Variants in CCNB3 observed in about 807,000 individuals in gnomAD.
The protein encoded by CCNB3 is G2/mitotic-specific cyclin-B3.
In CCNB3, 12 loss-of-function variants were observed where a neutral mutation model predicts 68.0. The observed-to-expected ratio is 0.18, with a 90% CI of 0.11 to 0.29. The LOEUF is 0.29. Among genes scored for constraint, CCNB3 ranks in the 10% least tolerant of loss-of-function variants. CCNB3 has a pLI of 1.00. For synonymous variants in CCNB3, 354 were observed against 388.9 expected, an observed-to-expected ratio of 0.91 and a Z score of 1.06; for missense variants, 904 against 993.1, an observed-to-expected ratio of 0.91 and a Z score of 1.21.
Position 50,308,755 on chromosome X carries a change from CTG to C in CCNB3, c.587_588del (p.Leu196ProfsTer5). On this transcript the variant is annotated frameshift_variant, in exon 6 of 13. Coordinates refer to ENST00000376042, the MANE Select transcript of CCNB3 (RefSeq NM_033031.3). LOFTEE classifies it high-confidence loss of function. ...GTCCTTACTGGAAAAGCTACAGCCCCTGCAGGAGGAGAGTGACAGTGATGATG... is the reference window on the plus strand; with the variant it reads ...GTCCTTACTGGAAAAGCTACAGCCCCCAGGAGGAGAGTGACAGTGATGATG... Reference protein sequence around the residue: ...EVSLLEKLQPLQEESDSDDAF... With the variant: ...EVSLLEKLQPXQEESDSDDAF... 8.3e-7 allele frequency: 1 copy of C among 1,211,461 alleles called. No homozygotes were observed. Among genetic ancestry groups the C allele is most frequent in the Non-Finnish European group, 1.1e-6 (1 of 895,359 alleles).
At chrX:50,314,983 T>A (rs1250526051) in intron 8 of CCNB3, among the ~76,000 whole-genome samples, 1 of 111,908 alleles carries the variant, frequency 8.9e-6, no homozygotes, top group African/African-American at 3.2e-5. Context: ...CTCTGCCAGC[T>A]GGAATGATGA....
At chrX:50,299,329 T>C (rs1365868061) in intron 5 of CCNB3, among the ~76,000 whole-genome samples, 2 of 111,853 alleles carry the variant, frequency 1.8e-5, no homozygotes, top group Non-Finnish European at 3.8e-5. Flanking sequence ...TCTGGTATGT[T>C]GTGTCTTTGT....
intron 1 of CCNB3, among the ~76,000 whole-genome samples, chrX:50,227,545 TAGAG>T (rs1381690861): frequency 9.2e-5 from 8 of 87,381 alleles, no homozygotes; most frequent in East Asian, 3.2e-4. Context: ...TATAAATATA[TAGAG>T]AGAGATATAA....
intron 12 of CCNB3, 44 bp from the exon 13 acceptor site, chrX:50,351,563 A>G: frequency 8.9e-7 from 1 of 1,117,330 alleles, no homozygotes; most frequent in Non-Finnish European, 1.2e-6. Context: ...GCATGATTGT[A>G]TTTGCCCTAT....
At chrX:50,336,989 G>A (rs1162046833) in intron 8 of CCNB3, among the ~76,000 whole-genome samples, 1 of 111,543 alleles carries the variant, frequency 9.0e-6, no homozygotes, top group Admixed American at 9.5e-5. Context: ...AGGCTTTTCG[G>A]TGTAAGTTGG....
chrX:50,215,687 T>G (rs1266726606), intron 1 of CCNB3, among the ~76,000 whole-genome samples: 3 of 111,202 alleles, frequency 2.7e-5, no homozygotes, highest in African/African-American at 9.8e-5. Flanking sequence ...ATCTGATGGT[T>G]GGTACATACA....
chrX:50,333,527 A>C (rs1275577296), intron 8 of CCNB3, among the ~76,000 whole-genome samples: 1 of 111,407 alleles, frequency 9.0e-6, no homozygotes, highest in Non-Finnish European at 1.9e-5. Flanking sequence ...TGTGAGATGT[A>C]GAAGTACCGG....
At chrX:50,321,036 A>T (rs1569543145) in intron 8 of CCNB3, among the ~76,000 whole-genome samples, 1 of 111,435 alleles carries the variant, frequency 9.0e-6, no homozygotes, top group African/African-American at 3.3e-5. Flanking sequence ...TGTAGTGAAT[A>T]TACATAAATG....
At chrX:50,338,021 CA>C (rs782335759) in intron 8 of CCNB3, among the ~76,000 whole-genome samples, 1 of 112,043 alleles carries the variant, frequency 8.9e-6, no homozygotes, top group African/African-American at 3.2e-5. Flanking sequence ...CTCCAAGTAC[CA>C]GTTCCTTCCT....
At chrX:50,228,510 A>G (rs1490771512) in intron 1 of CCNB3, among the ~76,000 whole-genome samples, 3 of 90,834 alleles carry the variant, frequency 3.3e-5, no homozygotes, top group African/African-American at 1.2e-4. Context: ...TACATAGAAT[A>G]TGTATAGAGG....
At chrX:50,332,453 G>A (rs942847752) in intron 8 of CCNB3, among the ~76,000 whole-genome samples, 33 of 111,843 alleles carry the variant, frequency 3.0e-4, no homozygotes, top group African/African-American at 1.1e-3. Context: ...AGTCCTCAAT[G>A]TGGGGAAAAT....
chrX:50,290,370 T>C (rs183439713), intron 4 of CCNB3, among the ~76,000 whole-genome samples: 24 of 111,614 alleles, frequency 2.2e-4, no homozygotes, highest in Admixed American at 3.8e-4. Context: ...TGTGCCCTCA[T>C]GTGGTGGAAG....
At chrX:50,279,021 A>G (rs1266549602) in intron 1 of CCNB3, among the ~76,000 whole-genome samples, 2 of 56,750 alleles carry the variant, frequency 3.5e-5, no homozygotes, top group Non-Finnish European at 5.7e-5. Context: ...ATTTATATAT[A>G]GAATATATTT....
At position 50,351,774 on chromosome X, in the gene CCNB3, C is replaced by A; in HGVS notation, c.*71C>A. Reference sequence around the variant, plus strand: ...TCTATGTTCGAATTTGTCTTTTGATCGCTTTTATTCATTTTTCCTTTCTTT... The same window carrying A: ...TCTATGTTCGAATTTGTCTTTTGATAGCTTTTATTCATTTTTCCTTTCTTT... On this transcript the variant is annotated 3_prime_UTR_variant, in exon 13 of 13. Transcript: ENST00000376042. The A allele has an allele frequency of 1.3e-6, 1 of 746,474 alleles. No individual in the cohort carries two copies. The highest frequency in any genetic ancestry group is 2.1e-5 in the African/African-American group (1 of 47,537). 61.5% of individuals were successfully genotyped at this position (746,474 alleles called of 1,213,427 possible). A position where few individuals can be genotyped will look rare whatever the true frequency, so the allele number is the denominator to read the frequency against.
chrX:50,346,831 C>A, intron 10 of CCNB3, 24 bp downstream of exon 10: 4 of 1,194,246 alleles, frequency 3.3e-6, no homozygotes, highest in Non-Finnish European at 3.4e-6. Flanking sequence ...GACACATCTT[C>A]ATTCTCCCAC....
chrX:50,299,662 A>G (rs1557211950), intron 5 of CCNB3, among the ~76,000 whole-genome samples: 1 of 110,633 alleles, frequency 9.0e-6, no homozygotes, highest in Non-Finnish European at 1.9e-5. Context: ...CTTGGTGCAG[A>G]GCTGAGTTCA....
At chrX:50,305,574 G>A (rs782425272) in intron 5 of CCNB3, among the ~76,000 whole-genome samples, 2 of 109,594 alleles carry the variant, frequency 1.8e-5, no homozygotes, top group Admixed American at 2.0e-4. Flanking sequence ...GTTAATGGGT[G>A]CAGCACACCA....
chrX:50,211,981 ACACT>A (rs1213070161), intron 1 of CCNB3, among the ~76,000 whole-genome samples: 1 of 112,223 alleles, frequency 8.9e-6, no homozygotes, highest in Non-Finnish European at 1.9e-5. Context: ...ATGTGTTTAC[ACACT>A]CAGTAACTTC....
intron 4 of CCNB3, among the ~76,000 whole-genome samples, chrX:50,290,634 G>T (rs1158677312): frequency 1.8e-5 from 2 of 111,774 alleles, no homozygotes; most frequent in African/African-American, 6.5e-5. Context: ...CATTCAGAAA[G>T]AACAGATATA....
Sources: gnomAD v4.1 joint callset for allele counts (sites outside exome capture counted in the v4.1 genomes callset) on GRCh38, gnomAD v4.1.1 for gene constraint, MANE v1.5 for transcripts, NCBI Gene and HGNC (gene_info 2026-07-23, HGNC 2026-07-21) for gene names.